Variants in ABTB3 observed in about 807,000 individuals in gnomAD.
ABTB3 encodes the protein ankyrin repeat- and BTB/POZ domain-containing protein 3.
At chr12:107,319,381 G>T in the ABTB3 span, 4 of 1,582,542 alleles carry the variant, frequency 2.5e-6, no homozygotes, top group Non-Finnish European at 3.4e-6. Context: ...CCAAAGAGGC[G>T]CAGCGCCTGA....
At chr12:107,491,648 C>A in the ABTB3 span, among the ~76,000 whole-genome samples, 1 of 152,196 alleles carries the variant, frequency 6.6e-6, no homozygotes, top group South Asian at 2.1e-4. Flanking sequence ...CATGATGAAA[C>A]CCTGTCTCTA....
At chr12:107,477,811 T>C in the ABTB3 span, among the ~76,000 whole-genome samples, 1 of 152,166 alleles carries the variant, frequency 6.6e-6, no homozygotes, top group Non-Finnish European at 1.5e-5. Context: ...AAATAAATGA[T>C]AGACCATTCT....
chr12:107,540,589 T>C, the ABTB3 span, among the ~76,000 whole-genome samples: 1 of 152,234 alleles, frequency 6.6e-6, no homozygotes, highest in Admixed American at 6.5e-5. Context: ...GGCCAGGCAC[T>C]GAGCTCAGTG....
At chr12:107,471,911 C>T in the ABTB3 span, among the ~76,000 whole-genome samples, 2 of 152,230 alleles carry the variant, frequency 1.3e-5, no homozygotes, top group South Asian at 4.2e-4. Flanking sequence ...CTGGTTAGAA[C>T]CCCCATCAAG....
chr12:107,459,417 C>T, the ABTB3 span, among the ~76,000 whole-genome samples: 6 of 152,234 alleles, frequency 3.9e-5, no homozygotes, highest in Admixed American at 3.3e-4. Context: ...ACAGACAAAA[C>T]TCCCTGCTCT....
the ABTB3 span, among the ~76,000 whole-genome samples, chr12:107,637,835 G>T: frequency 0.013 from 1,803 of 139,154 alleles, 52 homozygotes; most frequent in African/African-American, 0.046. Context: ...TGTGTGTGTG[G>T]TATGGTGTCC....
the ABTB3 span, among the ~76,000 whole-genome samples, chr12:107,504,131 G>A: frequency 3.3e-5 from 5 of 152,186 alleles, no homozygotes; most frequent in East Asian, 5.8e-4. Context: ...GTCCTCCTGT[G>A]GTTTATTTTA....
the ABTB3 span, among the ~76,000 whole-genome samples, chr12:107,412,886 C>T: frequency 6.6e-6 from 1 of 152,124 alleles, no homozygotes; most frequent in East Asian, 1.9e-4. Flanking sequence ...GCTAAAACTT[C>T]AGATTTCCCA....
chr12:107,376,948 T>C, the ABTB3 span, among the ~76,000 whole-genome samples: 1 of 152,166 alleles, frequency 6.6e-6, no homozygotes, highest in African/African-American at 2.4e-5. Flanking sequence ...ATCTCACCAC[T>C]GCTGTGTGTT....
the ABTB3 span, among the ~76,000 whole-genome samples, chr12:107,503,773 A>AAAAAAAAAAAAAAT: frequency 7.4e-6 from 1 of 135,896 alleles, no homozygotes; most frequent in African/African-American, 2.6e-5. Flanking sequence ...AAAAAAAAAA[A>AAAAAAAAAAAAAAT]AGAAGAAGAA....
At chr12:107,363,570 G>C in the ABTB3 span, among the ~76,000 whole-genome samples, 1 of 152,186 alleles carries the variant, frequency 6.6e-6, no homozygotes, top group Non-Finnish European at 1.5e-5. Context: ...AAGAGAAACA[G>C]AGTTTTTCTT....
chr12:107,445,848 A>T, the ABTB3 span, among the ~76,000 whole-genome samples: 1 of 143,678 alleles, frequency 7.0e-6, no homozygotes. Flanking sequence ...GGCCAGTAGC[A>T]AACATCTCCA....
the ABTB3 span, among the ~76,000 whole-genome samples, chr12:107,396,795 AC>A: frequency 6.6e-6 from 1 of 152,150 alleles, no homozygotes; most frequent in African/African-American, 2.4e-5. Flanking sequence ...CTCACTGTGG[AC>A]CTTCCTCCTT....
At chr12:107,559,671 A>C in the ABTB3 span, among the ~76,000 whole-genome samples, 6 of 152,240 alleles carry the variant, frequency 3.9e-5, no homozygotes, top group Non-Finnish European at 7.3e-5. Flanking sequence ...TCATTTGCCC[A>C]GTAGACATGG....
chr12:107,520,542 C>T, the ABTB3 span: 3 of 1,614,220 alleles, frequency 1.9e-6, no homozygotes, highest in Non-Finnish European at 2.5e-6. Context: ...AGCGGTCAAA[C>T]AAGCCAGGGG....
At chr12:107,539,343 T>C in the ABTB3 span, among the ~76,000 whole-genome samples, 2 of 152,178 alleles carry the variant, frequency 1.3e-5, no homozygotes, top group Non-Finnish European at 2.9e-5. Flanking sequence ...GGAGCTCTTA[T>C]TCTGACCAGT....
At chr12:107,618,762 T>G in the ABTB3 span, among the ~76,000 whole-genome samples, 1 of 152,106 alleles carries the variant, frequency 6.6e-6, no homozygotes, top group African/African-American at 2.4e-5. Flanking sequence ...AGGCTGGAAA[T>G]CTTTATATTT....
chr12:107,357,405 C>T, the ABTB3 span, among the ~76,000 whole-genome samples: 11,362 of 151,994 alleles, frequency 0.075, 462 homozygotes, highest in Middle Eastern at 0.12. Context: ...GCCAGGAGTT[C>T]GAGATGAGCC....
At chr12:107,417,049 G>A in the ABTB3 span, among the ~76,000 whole-genome samples, 4 of 152,182 alleles carry the variant, frequency 2.6e-5, no homozygotes, top group African/African-American at 9.7e-5. Context: ...GACAACTGAA[G>A]GCGAGGAAAT....
Sources: allele counts gnomAD v4.1 joint callset (sites outside exome capture counted in the v4.1 genomes callset), GRCh38; gene constraint gnomAD v4.1.1; transcripts MANE v1.5; gene names NCBI Gene and HGNC (gene_info 2026-07-23, HGNC 2026-07-21).